QRFPR: variants seen among roughly 807,000 people sequenced by gnomAD.
QRFPR encodes pyroglutamylated RF-amide peptide receptor.
A neutral mutation model predicts 31.3 loss-of-function variants in QRFPR; 37 were observed. The ratio of observed to expected loss-of-function variants is 1.18; its 90% confidence interval spans 0.91 to 1.56. The LOEUF is 1.56. Among genes scored for constraint, QRFPR ranks in the 40% most tolerant of loss-of-function variants. The pLI, the probability that QRFPR is intolerant of heterozygous loss-of-function variation, is 0.00. For missense variants in QRFPR, 542 were observed against 532.5 expected (o/e 1.02, Z -0.18); for synonymous variants, 197 against 192.0 (o/e 1.03, Z -0.22).
chr4:121,349,044 C>G (rs1725715258), intron 1 of QRFPR, among the ~76,000 whole-genome samples: 1 of 152,016 alleles, frequency 6.6e-6, no homozygotes, highest in Non-Finnish European at 1.5e-5. Context: ...TTGCAGTGAG[C>G]CAAGATCGCG....
At chr4:121,334,257 T>C (rs1157703361) in intron 3 of QRFPR, among the ~76,000 whole-genome samples, 2 of 152,210 alleles carry the variant, frequency 1.3e-5, no homozygotes, top group African/African-American at 4.8e-5. Context: ...ACTGTGGACT[T>C]CAGCAAAGAC....
chr4:121,348,732 T>C (rs562877847), intron 1 of QRFPR, among the ~76,000 whole-genome samples: 9 of 152,336 alleles, frequency 5.9e-5, no homozygotes, highest in African/African-American at 1.9e-4. Flanking sequence ...GACCTTACTT[T>C]ATTGACTTTT....
chr4:121,341,664 T>C (rs1236409701), intron 1 of QRFPR, among the ~76,000 whole-genome samples: 1 of 152,142 alleles, frequency 6.6e-6, no homozygotes, highest in African/African-American at 2.4e-5. Flanking sequence ...TAAGGCTACG[T>C]GTGTAAGGTA....
rs201231032 is a variant in QRFPR at position 121,340,578 on chromosome 4, G to A, written c.373C>T (p.Gln125Ter). The change falls in exon 2 of 6, where the codon CAG becomes TAG. Residue 125 changes from glutamine (Q) to a stop codon, truncating the protein, a stop_gained. Coordinates refer to ENST00000394427, the MANE Select transcript of QRFPR (RefSeq NM_198179.3). LOFTEE classifies it high-confidence loss of function. ...ATTTCTGTCACAACAGCGGTAGACT[G>A]GACAAATGGCACCATCTTGCAAATG... The part of the protein sequence containing the change: ...AFICKMVPFV[Q>*]STAVVTEILT... 231 of 1,613,750 alleles carry A rather than the reference G, an allele frequency of 1.4e-4. No individual in the cohort carries two copies. Among genetic ancestry groups the A allele is most frequent in the Non-Finnish European group, 1.9e-4 (221 of 1,179,854 alleles).
intron 1 of QRFPR, among the ~76,000 whole-genome samples, chr4:121,364,885 A>T (rs1483899149): frequency 1.3e-5 from 2 of 149,390 alleles, no homozygotes; most frequent in Non-Finnish European, 3.0e-5. Flanking sequence ...AGTAAAAAGC[A>T]ATTCGATTTA....
chr4:121,350,859 T>G (rs1245997295), intron 1 of QRFPR, among the ~76,000 whole-genome samples: 1 of 152,184 alleles, frequency 6.6e-6, no homozygotes, highest in Non-Finnish European at 1.5e-5. Flanking sequence ...AAATGTCAAA[T>G]GAGGAGACAT....
At chr4:121,353,187 G>A (rs954613553) in intron 1 of QRFPR, among the ~76,000 whole-genome samples, 60 of 152,018 alleles carry the variant, frequency 3.9e-4, no homozygotes, top group African/African-American at 1.2e-3. Flanking sequence ...TGGGAATGCA[G>A]CTATCTCTTC....
At chr4:121,330,274 A>AT (rs1725297541) in intron 5 of QRFPR, 152 bp downstream of exon 5, 1 of 615,132 alleles carries the variant, frequency 1.6e-6, no homozygotes, top group South Asian at 2.1e-5. Context: ...CTACCACATA[A>AT]TGACCTTGTG....
At position 121,369,739 on chromosome 4, in the gene QRFPR, T is replaced by C. The variant is rs867470715; in HGVS notation, c.340+10569A>G. 14 of 1,603,332 alleles carry C rather than the reference T, an allele frequency of 8.7e-6. No individual in the cohort carries two copies. In the African/African-American group the frequency reaches 1.5e-4, roughly 17 times the overall value. On this transcript the variant is annotated intron_variant, in intron 1 of 5. Transcript: ENST00000394427. ...TTCCAGAGTCCATGGTGCTAGGATT[T>C]GGGCCAGGTAAGGCTGTGGAAGAAC...
intron 1 of QRFPR, among the ~76,000 whole-genome samples, chr4:121,352,316 C>A (rs920920233): frequency 2.0e-5 from 3 of 152,046 alleles, no homozygotes; most frequent in South Asian, 2.1e-4. Flanking sequence ...CACTGGATTT[C>A]TTTATCCTCC....
intron 3 of QRFPR, among the ~76,000 whole-genome samples, chr4:121,334,221 G>A (rs978618864): frequency 2.0e-5 from 3 of 152,168 alleles, no homozygotes; most frequent in African/African-American, 7.2e-5. Flanking sequence ...AGGGACTACG[G>A]ACTTCCTGAC....
At chr4:121,378,376 T>C (rs927505522) in intron 1 of QRFPR, among the ~76,000 whole-genome samples, 1 of 150,560 alleles carries the variant, frequency 6.6e-6, no homozygotes, top group Non-Finnish European at 1.5e-5. Context: ...TTCCCCAACA[T>C]GAACTGGAGC....
chr4:121,345,523 T>C (rs1481188389), intron 1 of QRFPR, among the ~76,000 whole-genome samples: 1 of 152,226 alleles, frequency 6.6e-6, no homozygotes, highest in African/African-American at 2.4e-5. Context: ...ATGGGCTATG[T>C]TCTCTCTGTG....
intron 1 of QRFPR, among the ~76,000 whole-genome samples, chr4:121,377,643 T>G (rs1051159558): frequency 6.6e-6 from 1 of 152,092 alleles, no homozygotes; most frequent in African/African-American, 2.4e-5. Flanking sequence ...AGCTTGAACA[T>G]CACATCCTTC....
rs1390769918 is a variant in QRFPR, at chr4:121,330,312, A to G, written c.895+114T>C. ...CTTGAAGACATGAAAGAAATATATG[A>G]AATGTTAGGTATTTGATTATCCAAG... On this transcript the variant is annotated intron_variant, in intron 5 of 5. Coordinates refer to ENST00000394427, the MANE Select transcript of QRFPR (RefSeq NM_198179.3). 9 of 705,824 alleles carry G rather than the reference A, an allele frequency of 1.3e-5. No individual in the cohort carries two copies. The South Asian group carries it at 1.5e-4, about 12-fold the overall frequency. 43.7% of individuals were successfully genotyped at this position (705,824 alleles called of 1,614,324 possible).
chr4:121,347,215 T>A (rs1725670238), intron 1 of QRFPR, among the ~76,000 whole-genome samples: 1 of 152,288 alleles, frequency 6.6e-6, no homozygotes, highest in African/African-American at 2.4e-5. Flanking sequence ...CATTAAAAAA[T>A]GTTTTTATCA....
chr4:121,338,407 A>G (rs771299732), intron 2 of QRFPR, among the ~76,000 whole-genome samples: 10 of 152,182 alleles, frequency 6.6e-5, no homozygotes, highest in Non-Finnish European at 1.2e-4. Flanking sequence ...AGCCTAGAGG[A>G]CCTAGGCCAA....
intron 2 of QRFPR, chr4:121,340,185 C>T: frequency 5.8e-6 from 2 of 342,436 alleles, no homozygotes; most frequent in South Asian, 7.7e-5. Context: ...GGTAGGTTAT[C>T]TTAGATTAGC....
chr4:121,334,617 AGCCTG>A (rs1235569742), intron 3 of QRFPR: 1 of 392,848 alleles, frequency 2.5e-6, no homozygotes, highest in Non-Finnish European at 5.1e-6. Context: ...TTCAGGGTAA[AGCCTG>A]GCAGAGAAAA....
Sources: gnomAD v4.1 joint callset for allele counts (sites outside exome capture counted in the v4.1 genomes callset) on GRCh38, gnomAD v4.1.1 for gene constraint, MANE v1.5 for transcripts, NCBI Gene and HGNC (gene_info 2026-07-23, HGNC 2026-07-21) for gene names.